Variants in RTCA observed in about 807,000 individuals in gnomAD.
RTCA encodes RNA 3'-terminal phosphate cyclase.
In RTCA, 37 loss-of-function variants were observed where a neutral mutation model predicts 46.1. That is an observed-to-expected ratio of 0.80 (90% CI 0.62 to 1.06). The LOEUF is 1.06. Among genes scored for constraint, RTCA ranks in the 50% least tolerant of loss-of-function variants. The pLI, the probability that RTCA is intolerant of heterozygous loss-of-function variation, is 0.00. For synonymous variants in RTCA, 164 were observed against 158.3 expected, an observed-to-expected ratio of 1.04 and a Z score of -0.27; for missense variants, 435 against 455.5, an observed-to-expected ratio of 0.95 and a Z score of 0.41.
At position 100,266,402 on chromosome 1, in the gene RTCA, T is replaced by A. The variant is rs1319563737; in HGVS notation, c.27T>A (p.Asp9Glu). ...TGGCGGGGCCGCGGGTGGAGGTCGA[T>A]GGCAGCATCATGGAAGGGGTGAGTA... is the stretch of plus-strand genomic sequence containing the variant. MAGPRVEV[D>E]GSIMEGGGQI... The change falls in exon 1 of 11, where the codon GAT becomes GAA. Residue 9 changes from aspartate to glutamate, a missense_variant. Asp to Glu is a conservative substitution (Grantham distance 45, BLOSUM62 2). Coordinates refer to ENST00000370128, the MANE Select transcript of RTCA (RefSeq NM_003729.4). 14 of 1,612,238 alleles carry A rather than the reference T, an allele frequency of 8.7e-6. No individual in the cohort carries two copies. Among genetic ancestry groups the A allele is most frequent in the Non-Finnish European group, 1.0e-5 (12 of 1,179,416 alleles).
intron 5 of RTCA, among the ~76,000 whole-genome samples, chr1:100,274,478 T>G (rs1335237583): frequency 6.6e-6 from 1 of 152,226 alleles, no homozygotes; most frequent in Non-Finnish European, 1.5e-5. Context: ...CAAATAGAAC[T>G]TTCTGCATTG....
At chr1:100,290,878 A>G (rs1667316321) in intron 10 of RTCA, among the ~76,000 whole-genome samples, 1 of 152,198 alleles carries the variant, frequency 6.6e-6, no homozygotes, top group Non-Finnish European at 1.5e-5. Flanking sequence ...TTAAAGATGA[A>G]GGAAGATGTT....
chr1:100,274,999 T>A (rs1333613796), intron 6 of RTCA, 34 bp downstream of exon 6: 1 of 1,539,180 alleles, frequency 6.5e-7, no homozygotes, highest in Non-Finnish European at 8.8e-7. Flanking sequence ...AAATAAAATA[T>A]ATGTGTGTCT....
At position 100,285,291 on chromosome 1, in the gene RTCA, G is replaced by A. The variant is rs748063368; in HGVS notation, c.863G>A (p.Gly288Asp). The change falls in exon 9 of 11, where the codon GGT becomes GAT. Residue 288 changes from glycine to aspartate, a missense_variant. Transcript: ENST00000370128. ...AEMLLANLRHGGTVDEYLQDQ... is the reference protein window; with the variant it reads ...AEMLLANLRHDGTVDEYLQDQ... The stretch of plus-strand genomic sequence containing the variant: ...ATGCTATTAGCAAATCTTAGACATG[G>A]TGGTACTGTGGATGAGTATCTGCAA... 1 of 1,613,770 alleles carries A rather than the reference G, an allele frequency of 6.2e-7. No individual in the cohort carries two copies. Among genetic ancestry groups the A allele is most frequent in the South Asian group, 1.1e-5 (1 of 91,070 alleles).
At chr1:100,272,031 C>G (rs1666129880) in intron 4 of RTCA, among the ~76,000 whole-genome samples, 1 of 152,140 alleles carries the variant, frequency 6.6e-6, no homozygotes, top group East Asian at 1.9e-4. Flanking sequence ...GAGTTGTGTT[C>G]TCGTATATGG....
chr1:100,285,187 T>C (rs748891290), intron 8 of RTCA, 41 bp from the exon 9 acceptor site: 2 of 1,475,678 alleles, frequency 1.4e-6, no homozygotes, highest in Non-Finnish European at 1.9e-6. Flanking sequence ...AGTTTTGTTT[T>C]GTTTTGTTTT....
rs1399926318 is a variant in RTCA at position 100,273,568 on chromosome 1, T to C, written c.473+116T>C. ...CCCACTTAATACATTGCATCTCTTG[T>C]AAGAAGTAATTGTACTTTGTGGCTT... On this transcript the variant is annotated intron_variant, in intron 5 of 10. Coordinates refer to ENST00000370128, the MANE Select transcript of RTCA (RefSeq NM_003729.4). 4 of 535,136 alleles carry C rather than the reference T, an allele frequency of 7.5e-6. No individual in the cohort carries two copies. The Admixed American group carries it at 1.6e-4, about 22-fold the overall frequency. The allele number at this position is 535,136 out of a possible 1,614,324, so 33.1% of individuals were successfully genotyped here. A position where few individuals can be genotyped will look rare whatever the true frequency, so the allele number is the denominator to read the frequency against.
rs560021846 is a variant in RTCA, at chr1:100,269,983, A to T, written c.291-574A>T. Among the ~76,000 whole-genome samples, 9 of 152,330 alleles carry T rather than the reference A, an allele frequency of 5.9e-5. No individual in the cohort carries two copies. The East Asian group carries it at 1.7e-3, about 29-fold the overall frequency. ...TAGTTTACTGAGAATGATGGTTTCC[A>T]GCTTCATCCATGTCCCTGCAAAGGA... On this transcript the variant is annotated intron_variant, in intron 3 of 10. Coordinates refer to ENST00000370128, the MANE Select transcript of RTCA (RefSeq NM_003729.4).
chr1:100,268,384 C>G, intron 3 of RTCA, 89 bp downstream of exon 3: 4 of 1,036,484 alleles, frequency 3.9e-6, no homozygotes, highest in Non-Finnish European at 5.5e-6. Flanking sequence ...TGTCTATGAG[C>G]TTGTTTCCCT....
At chr1:100,278,122 G>A (rs1184002101) in intron 8 of RTCA, among the ~76,000 whole-genome samples, 1 of 152,152 alleles carries the variant, frequency 6.6e-6, no homozygotes, top group Non-Finnish European at 1.5e-5. Flanking sequence ...GGTGTGTCCT[G>A]CAGATCTGTC....
chr1:100,274,804 A>G lies in RTCA; in HGVS notation c.474-20A>G. The G allele has an allele frequency of 6.3e-7, 1 of 1,593,192 alleles. No individual in the cohort carries two copies. Among genetic ancestry groups the G allele is most frequent in the Non-Finnish European group, 8.6e-7 (1 of 1,166,088 alleles). ...TGTCATGCAATCAGTTTATGTGGGC[A>G]TTTGTTATACTTTTCATAGGGGATA... On this transcript the variant is annotated intron_variant, in intron 5 of 10. Coordinates refer to ENST00000370128, the MANE Select transcript of RTCA (RefSeq NM_003729.4).
intron 8 of RTCA, among the ~76,000 whole-genome samples, chr1:100,278,898 C>T (rs150455843): frequency 2.6e-5 from 4 of 152,268 alleles, no homozygotes; most frequent in East Asian, 1.9e-4. Flanking sequence ...CTACCTCAGA[C>T]GTATTGAATT....
intron 7 of RTCA, 71 bp from the exon 8 acceptor site, chr1:100,277,187 C>T: frequency 3.6e-6 from 5 of 1,392,618 alleles, no homozygotes; most frequent in Non-Finnish European, 5.1e-6. Flanking sequence ...AGTCATTGTT[C>T]TCTTTTGTTG....
At chr1:100,287,230 T>C (rs375375584) in intron 10 of RTCA, 27 bp downstream of exon 10, 2 of 1,485,990 alleles carry the variant, frequency 1.3e-6, no homozygotes, top group South Asian at 2.6e-5. Flanking sequence ...AAAGGGAAAT[T>C]GATATTTTGA....
At chr1:100,284,251 G>A (rs1666904235) in intron 8 of RTCA, among the ~76,000 whole-genome samples, 1 of 151,990 alleles carries the variant, frequency 6.6e-6, no homozygotes, top group South Asian at 2.1e-4. Flanking sequence ...TAGGGCAAGA[G>A]GGTAAATATT....
At chr1:100,274,156 C>T (rs966175094) in intron 5 of RTCA, among the ~76,000 whole-genome samples, 6 of 152,036 alleles carry the variant, frequency 3.9e-5, no homozygotes, top group Non-Finnish European at 8.8e-5. Flanking sequence ...AATCAGAATT[C>T]ATATTTGCAC....
At chr1:100,272,065 C>G (rs1002695845) in intron 4 of RTCA, among the ~76,000 whole-genome samples, 1 of 152,174 alleles carries the variant, frequency 6.6e-6, no homozygotes, top group Non-Finnish European at 1.5e-5. Flanking sequence ...CATATCCATT[C>G]ATCTATTGAA....
intron 9 of RTCA, 32 bp downstream of exon 9, chr1:100,285,354 A>G: frequency 1.4e-6 from 2 of 1,456,646 alleles, no homozygotes; most frequent in Admixed American, 3.4e-5. Context: ...AAACCCTCTA[A>G]CCTGTTAGAT....
At chr1:100,266,664 G>C (rs1212282063) in intron 2 of RTCA, 40 bp downstream of exon 2, 1 of 1,532,374 alleles carries the variant, frequency 6.5e-7, no homozygotes, top group Admixed American at 1.9e-5. Flanking sequence ...GTGAAGCTGG[G>C]GGATCGGGGG....
Sources: allele counts gnomAD v4.1 joint callset (sites outside exome capture counted in the v4.1 genomes callset), GRCh38; gene constraint gnomAD v4.1.1; transcripts MANE v1.5; gene names NCBI Gene and HGNC (gene_info 2026-07-23, HGNC 2026-07-21).